AFF3: variants seen among roughly 807,000 people sequenced by gnomAD.
AFF3 encodes AF4/FMR2 family member 3.
Under a neutral mutation model 129.7 loss-of-function variants are expected in AFF3, and 32 were observed. That is an observed-to-expected ratio of 0.25 (90% confidence interval 0.19 to 0.33). The LOEUF (loss-of-function observed/expected upper bound fraction) is 0.33. Among genes scored for constraint, AFF3 ranks in the 10% least tolerant of loss-of-function variants. The pLI is 1.00. For synonymous variants in AFF3, 644 were observed against 635.4 expected (o/e 1.01, Z -0.20); for missense variants, 1,373 against 1,592.0 (o/e 0.86, Z 2.34).
chr2:100,067,586 T>C (rs1006756802), intron 4 of AFF3, among the ~76,000 whole-genome samples: 3 of 152,164 alleles, frequency 2.0e-5, no homozygotes, highest in African/African-American at 7.2e-5. Flanking sequence ...CTAAATTCCA[T>C]TGATAAGCCA....
intron 4 of AFF3, among the ~76,000 whole-genome samples, chr2:100,062,323 G>T (rs1687360645): frequency 6.6e-6 from 1 of 152,180 alleles, no homozygotes; most frequent in Admixed American, 6.5e-5. Flanking sequence ...CCAGAAGTAT[G>T]GCAGACTAAT....
chr2:99,811,108 A>C (rs1686751083), intron 8 of AFF3, among the ~76,000 whole-genome samples: 1 of 152,102 alleles, frequency 6.6e-6, no homozygotes, highest in Admixed American at 6.5e-5. Context: ...CATGGGAGGG[A>C]CGTGCTTTTC....
intron 2 of AFF3, among the ~76,000 whole-genome samples, chr2:100,111,254 C>A (rs1691501686): frequency 6.6e-6 from 1 of 152,260 alleles, no homozygotes; most frequent in South Asian, 2.1e-4. Flanking sequence ...ATGTGCCCCG[C>A]ACATTGCCGT....
chr2:99,608,335 G>A (rs1680577832), intron 13 of AFF3, among the ~76,000 whole-genome samples: 2 of 152,130 alleles, frequency 1.3e-5, no homozygotes, highest in Admixed American at 6.5e-5. Context: ...AGGCATCAAT[G>A]ATGTTTCCTC....
chr2:100,105,375 G>A (rs1691206893), intron 3 of AFF3, 129 bp downstream of exon 3: 28 of 1,263,868 alleles, frequency 2.2e-5, no homozygotes, highest in Non-Finnish European at 2.9e-5. Flanking sequence ...GCGAAATAAA[G>A]CGGCGGCGCG....
chr2:99,628,996 A>C (rs1682873077), intron 13 of AFF3, among the ~76,000 whole-genome samples: 1 of 152,120 alleles, frequency 6.6e-6, no homozygotes. Flanking sequence ...TGCTGGGACT[A>C]CAGGTGTGAG....
In AFF3 at chr2:99,997,436, C is replaced by G. The variant is rs535869330; in HGVS notation, c.873+9196G>C. 2.7e-4 allele frequency among the ~76,000 whole-genome samples: 41 copies of G among 151,732 alleles called. 2 individuals carry two copies. The South Asian group carries it at 8.1e-3, about 30-fold the overall frequency. On this transcript the variant is annotated intron_variant, in intron 7 of 24. Coordinates refer to ENST00000672756, the MANE Select transcript of AFF3 (RefSeq NM_001386135.1). ...CTTCAAAATATATAGAGAATCCAAT[C>G]TTACCATCTTTGCTGTCCCCATGGT...
rs1191700795 is a variant in AFF3 at position 99,866,962 on chromosome 2, CATAATAATAATAATA to C, written c.874-29453_874-29439del. ...CTGCACTCCAGCCTGGGTAACACAG[CATAATAATAATAATA>C]ATAATAATAATAATAATAATAATAA... On this transcript the variant is annotated intron_variant, in intron 7 of 24. Coordinates refer to ENST00000672756, the MANE Select transcript of AFF3 (RefSeq NM_001386135.1). Among the ~76,000 whole-genome samples, 311 of 93,892 alleles carry C rather than the reference CATAATAATAATAATA, an allele frequency of 3.3e-3. 1 individual carries two copies. Among genetic ancestry groups the C allele is most frequent in the African/African-American group, 0.016 (290 of 18,472 alleles). 61.6% of individuals were successfully genotyped at this position (93,892 alleles called of 152,430 possible). A position where few individuals can be genotyped will look rare whatever the true frequency, so the allele number is the denominator to read the frequency against.
chr2:99,789,367 G>A (rs914008732), intron 8 of AFF3, among the ~76,000 whole-genome samples: 2 of 142,168 alleles, frequency 1.4e-5, no homozygotes, highest in African/African-American at 5.3e-5. Context: ...AGGATTGCTT[G>A]AGTTCAAGAG....
Position 99,606,700 on chromosome 2 carries a change from G to A in AFF3, c.1185-5079C>T, listed in dbSNP as rs566869331. On this transcript the variant is annotated intron_variant, in intron 13 of 24. Coordinates refer to ENST00000672756, the MANE Select transcript of AFF3 (RefSeq NM_001386135.1). ...TGGGAAGCCGAGGCGGGAGGATCAC[G>A]AAGTCAGATCAAGACCATCCTGGCT... is the stretch of plus-strand genomic sequence containing the variant. Among the ~76,000 whole-genome samples the A allele has an allele frequency of 1.6e-4, 25 of 151,664 alleles. No individual in the cohort carries two copies. The South Asian group carries it at 4.8e-3, about 29-fold the overall frequency.
chr2:100,133,027 C>G (rs1055618908), intron 1 of AFF3, among the ~76,000 whole-genome samples: 10 of 151,322 alleles, frequency 6.6e-5, no homozygotes, highest in African/African-American at 2.4e-4. Flanking sequence ...TCTTGGGGCT[C>G]AAGTGATCCT....
intron 10 of AFF3, among the ~76,000 whole-genome samples, chr2:99,736,978 A>G (rs1680316531): frequency 6.6e-6 from 1 of 152,060 alleles, no homozygotes. Flanking sequence ...CTCTTCTTCA[A>G]TTCTTTTGGA....
chr2:99,632,283 G>T (rs780825974), intron 13 of AFF3, among the ~76,000 whole-genome samples: 2 of 152,092 alleles, frequency 1.3e-5, no homozygotes, highest in Non-Finnish European at 2.9e-5. Context: ...CCACAGTGCT[G>T]GGATTACAGA....
chr2:99,771,605 G>A (rs1164746052), intron 8 of AFF3, among the ~76,000 whole-genome samples: 1 of 152,134 alleles, frequency 6.6e-6, no homozygotes, highest in Non-Finnish European at 1.5e-5. Flanking sequence ...TAATATTTAT[G>A]TTTTAAGACC....
At position 99,593,313 on chromosome 2, in the gene AFF3, G is replaced by A. The variant is rs1266332639; in HGVS notation, c.2348C>T (p.Pro783Leu). Residue 783 changes from proline (P) to leucine (L), a missense_variant, in exon 15 of 25, where the codon CCC becomes CTC. Transcript: ENST00000672756. ...GGCGCTCAATACCCCTGGCTCCTGG[G>A]GCAGGTGTTCTGGGATCCTGGACAG... ...TLLSRIPEHL[P>L]QEPGVLSAPA... 2 of 1,613,918 alleles carry A rather than the reference G, an allele frequency of 1.2e-6. No homozygotes were observed. The highest frequency in any genetic ancestry group is 1.7e-6 in the Non-Finnish European group (2 of 1,179,986).
At chr2:99,658,549 C>T (rs971945634) in intron 12 of AFF3, among the ~76,000 whole-genome samples, 21 of 152,112 alleles carry the variant, frequency 1.4e-4, no homozygotes, top group African/African-American at 5.1e-4. Flanking sequence ...GGGGTTTCAC[C>T]ACGTTGGCCA....
intron 7 of AFF3, among the ~76,000 whole-genome samples, chr2:99,998,536 G>A (rs898833198): frequency 2.0e-5 from 3 of 152,174 alleles, no homozygotes; most frequent in African/African-American, 7.2e-5. Flanking sequence ...GGCTTATAGA[G>A]AGAAATAGCT....
intron 7 of AFF3, among the ~76,000 whole-genome samples, chr2:99,858,434 C>A (rs1419701571): frequency 6.6e-6 from 1 of 151,274 alleles, no homozygotes; most frequent in Non-Finnish European, 1.5e-5. Flanking sequence ...ACCTGTAGTT[C>A]TAGCTACTCT....
At chr2:100,016,307 T>C (rs1177229062) in intron 4 of AFF3, among the ~76,000 whole-genome samples, 1 of 151,154 alleles carries the variant, frequency 6.6e-6, no homozygotes, top group African/African-American at 2.4e-5. Flanking sequence ...GTGGCAGCGA[T>C]GGTGACAGTG....
Sources: allele counts gnomAD v4.1 joint callset (sites outside exome capture counted in the v4.1 genomes callset), GRCh38; gene constraint gnomAD v4.1.1; transcripts MANE v1.5; gene names NCBI Gene and HGNC (gene_info 2026-07-23, HGNC 2026-07-21).